Variants in DCLK2 observed in about 807,000 individuals in gnomAD.
DCLK2 encodes the protein serine/threonine-protein kinase DCLK2.
DCLK2 carries 31 observed loss-of-function variants against 78.4 expected under a neutral mutation model. The observed-to-expected ratio is 0.40, with a 90% CI of 0.30 to 0.53. The LOEUF is 0.53. Among genes scored for constraint, DCLK2 ranks in the 20% least tolerant of loss-of-function variants. The pLI is 0.61. For synonymous variants in DCLK2, 407 were observed against 374.9 expected (o/e 1.09, Z -0.99); for missense variants, 872 against 973.7 (o/e 0.90, Z 1.39).
intron 2 of DCLK2, among the ~76,000 whole-genome samples, chr4:150,111,770 T>C (rs1213293875): frequency 6.6e-6 from 1 of 152,076 alleles, no homozygotes; most frequent in Non-Finnish European, 1.5e-5. Context: ...GTCAAAGATC[T>C]GTTGGTTCTA....
rs1055302350 is a variant in DCLK2, at chr4:150,183,551, G to C, written c.757-9587G>C. Among the ~76,000 whole-genome samples, 17 of 152,180 alleles carry C rather than the reference G, an allele frequency of 1.1e-4. No individual in the cohort carries two copies. In the East Asian group the frequency reaches 1.9e-3, roughly 17 times the overall value. On this transcript the variant is annotated intron_variant, in intron 2 of 15. Coordinates refer to ENST00000296550, the MANE Select transcript of DCLK2 (RefSeq NM_001040260.4). ...TAAGGAGCTACATAGGATTTGACTG[G>C]TCTACCCAAACAATTTATAGGTTAT...
At chr4:150,157,082 T>A (rs1421965809) in intron 2 of DCLK2, among the ~76,000 whole-genome samples, 1 of 151,670 alleles carries the variant, frequency 6.6e-6, no homozygotes, top group Non-Finnish European at 1.5e-5. Context: ...GAGTTACTAT[T>A]TTCTAGTGTG....
intron 2 of DCLK2, among the ~76,000 whole-genome samples, chr4:150,145,855 T>C (rs578152798): frequency 1.3e-5 from 2 of 152,342 alleles, no homozygotes; most frequent in South Asian, 4.1e-4. Flanking sequence ...GAAATAGTTA[T>C]GGAATGACTC....
At chr4:150,168,555 T>C (rs1736275672) in intron 2 of DCLK2, among the ~76,000 whole-genome samples, 1 of 152,162 alleles carries the variant, frequency 6.6e-6, no homozygotes, top group Non-Finnish European at 1.5e-5. Flanking sequence ...GAGGTAAGAA[T>C]TGAGTTTGCT....
In DCLK2 at chr4:150,218,014, C is replaced by G. The variant is rs549114994; in HGVS notation, c.1057-2689C>G. 2.4e-3 allele frequency among the ~76,000 whole-genome samples: 367 copies of G among 152,300 alleles called. 1 individual carries two copies. The highest frequency in any genetic ancestry group is 8.4e-3 in the African/African-American group (349 of 41,570). On this transcript the variant is annotated intron_variant, in intron 5 of 15. Coordinates refer to ENST00000296550, the MANE Select transcript of DCLK2 (RefSeq NM_001040260.4). ...AGGTACACTTGAAAGTGGCCCTTCG[C>G]TTGGCCCCATGCCATGCTCGCTGTT...
chr4:150,236,279 G>C (rs1308205404), intron 10 of DCLK2, among the ~76,000 whole-genome samples: 1 of 152,174 alleles, frequency 6.6e-6, no homozygotes, highest in Non-Finnish European at 1.5e-5. Context: ...AGTAAGTGCA[G>C]GCTGTAGTCA....
chr4:150,116,388 C>G (rs1171794261), intron 2 of DCLK2, among the ~76,000 whole-genome samples: 1 of 152,192 alleles, frequency 6.6e-6, no homozygotes, highest in Non-Finnish European at 1.5e-5. Flanking sequence ...GGCACTGCGC[C>G]TATGCCTCTG....
chr4:150,175,188 A>ATTTTATATAT (rs1443934489), intron 2 of DCLK2, among the ~76,000 whole-genome samples: 2 of 98,216 alleles, frequency 2.0e-5, no homozygotes, highest in African/African-American at 4.8e-5. Flanking sequence ...ATATATTTAT[A>ATTTTATATAT]ATTTATCTAT....
In DCLK2 at chr4:150,203,831, A is replaced by G; in HGVS notation, c.998A>G (p.Lys333Arg). The change falls in exon 5 of 16, where the codon AAA (lysine) becomes AGA (arginine). Residue 333 changes from lysine (K) to arginine (R), a missense_variant. Physicochemically the swap from Lys to Arg is conservative, Grantham distance 26 (BLOSUM62 2). Coordinates refer to ENST00000296550, the MANE Select transcript of DCLK2 (RefSeq NM_001040260.4). ...CCCAGCAGCCAACTTTCTACTCCTAAATCTACGAAATCCTCCAGTTCCTCT... is the reference window on the plus strand; with the variant it reads ...CCCAGCAGCCAACTTTCTACTCCTAGATCTACGAAATCCTCCAGTTCCTCT... ...GTPSSQLSTP[K>R]STKSSSSSPT... is the part of the protein sequence containing the mutation. The G allele has an allele frequency of 6.2e-7, 1 of 1,613,930 alleles. No homozygotes were observed. The highest frequency in any genetic ancestry group is 8.5e-7 in the Non-Finnish European group (1 of 1,179,940).
intron 8 of DCLK2, among the ~76,000 whole-genome samples, chr4:150,225,735 C>T (rs1187581778): frequency 6.6e-6 from 1 of 152,040 alleles, no homozygotes; most frequent in Non-Finnish European, 1.5e-5. Flanking sequence ...AAAAACCTTG[C>T]TTTTTAATGT....
chr4:150,108,241 G>C (rs1410086361), intron 2 of DCLK2, among the ~76,000 whole-genome samples: 1 of 151,948 alleles, frequency 6.6e-6, no homozygotes, highest in African/African-American at 2.4e-5. Context: ...GGGCGCAGTG[G>C]CTCACGCCTG....
At position 150,240,749 on chromosome 4, in the gene DCLK2, TAA is replaced by T. The variant is rs372514541; in HGVS notation, c.1778+285_1778+286del. Among the ~76,000 whole-genome samples, 66 of 59,990 alleles carry T rather than the reference TAA, an allele frequency of 1.1e-3. No individual in the cohort carries two copies. In the East Asian group the frequency reaches 0.012, roughly 11 times the overall value. 39.4% of individuals were successfully genotyped at this position (59,990 alleles called of 152,430 possible). ...ATGTACCCTAAAACTTAAAATATAA[TAA>T]AAAAAAAAAAAGAAAAAGAAAAAAA... On this transcript the variant is annotated intron_variant, in intron 12 of 15. Transcript: ENST00000296550.
At chr4:150,139,812 G>A (rs996907089) in intron 2 of DCLK2, among the ~76,000 whole-genome samples, 10 of 152,156 alleles carry the variant, frequency 6.6e-5, no homozygotes, top group African/African-American at 2.4e-4. Flanking sequence ...TGAGTCAAGT[G>A]TACATTCCAG....
intron 10 of DCLK2, among the ~76,000 whole-genome samples, chr4:150,238,493 T>A (rs1219542428): frequency 6.6e-6 from 1 of 152,220 alleles, no homozygotes; most frequent in African/African-American, 2.4e-5. Flanking sequence ...AAATTTGCTA[T>A]ATATTGCTGA....
At chr4:150,103,577 A>T (rs1183088061) in intron 2 of DCLK2, among the ~76,000 whole-genome samples, 1 of 137,968 alleles carries the variant, frequency 7.2e-6, no homozygotes, top group Non-Finnish European at 1.6e-5. Context: ...TTGTATTAAA[A>T]TTATAGTTTC....
rs1278662012 is a variant in DCLK2 at position 150,249,761 on chromosome 4, C to T, written c.2073+77C>T. 11 of 1,195,700 alleles carry T rather than the reference C, an allele frequency of 9.2e-6. No individual in the cohort carries two copies. The Admixed American group carries it at 1.7e-4, about 18-fold the overall frequency. The allele number at this position is 1,195,700 out of a possible 1,614,324, so 74.1% of individuals were successfully genotyped here. ...TTTGAATTAGGTAGCCGGGAGCTGC[C>T]CTCACATGGAAGTTGGTGCCTTCCG... On this transcript the variant is annotated intron_variant, in intron 15 of 15. Transcript: ENST00000296550.
intron 2 of DCLK2, among the ~76,000 whole-genome samples, chr4:150,140,596 A>G (rs930695329): frequency 3.9e-5 from 6 of 152,196 alleles, no homozygotes; most frequent in African/African-American, 1.4e-4. Flanking sequence ...TGCTCATGAC[A>G]TATCTTACTG....
chr4:150,079,588 T>G (rs2150124768), intron 1 of DCLK2, 140 bp downstream of exon 1: 313 of 727,410 alleles, frequency 4.3e-4, no homozygotes, highest in Middle Eastern at 8.1e-4. Context: ...CTCTAGAGAT[T>G]GGCTGGGGGT....
intron 2 of DCLK2, among the ~76,000 whole-genome samples, chr4:150,186,267 A>G (rs1326824340): frequency 2.0e-5 from 3 of 151,972 alleles, no homozygotes; most frequent in Admixed American, 2.0e-4. Flanking sequence ...CCTGGTCCAT[A>G]CCTCAGTGTT....
Sources: gnomAD v4.1 joint callset for allele counts (sites outside exome capture counted in the v4.1 genomes callset) on GRCh38, gnomAD v4.1.1 for gene constraint, MANE v1.5 for transcripts, NCBI Gene and HGNC (gene_info 2026-07-23, HGNC 2026-07-21) for gene names.